Variants in DAB2IP observed in about 807,000 individuals in gnomAD.
DAB2IP encodes DAB2 interacting protein.
In DAB2IP, 28 loss-of-function variants were observed where a neutral mutation model predicts 107.2. The ratio of observed to expected loss-of-function variants is 0.26; its 90% CI spans 0.19 to 0.36. DAB2IP has a LOEUF of 0.36. Among genes scored for constraint, DAB2IP ranks in the 10% least tolerant of loss-of-function variants. The pLI is 1.00. For synonymous variants in DAB2IP, 755 were observed against 706.4 expected (o/e 1.07, Z -1.09); for missense variants, 1,400 against 1,644.7 (o/e 0.85, Z 2.57).
rs1259261968 is a variant in DAB2IP, at chr9:121,734,428, G to A, written c.363-22585G>A. Among the ~76,000 whole-genome samples the A allele has an allele frequency of 4.6e-5, 7 of 152,148 alleles. No individual in the cohort carries two copies. The South Asian group carries it at 1.2e-3, about 27-fold the overall frequency. On this transcript the variant is annotated intron_variant, in intron 3 of 15. Transcript: ENST00000408936. ...ATGTTGCTGAAAGGAGCCTGCAAGC[G>A]GTTATGCAGACTTCTGAGCAGGGGC... is the stretch of plus-strand genomic sequence containing the variant.
rs141021456 is a variant in DAB2IP, at chr9:121,780,966, G to C, written c.3315-498G>C. Among the ~76,000 whole-genome samples the C allele has an allele frequency of 2.6e-5, 4 of 152,178 alleles. No homozygotes were observed. The East Asian group carries it at 7.7e-4, about 29-fold the overall frequency. ...AGCTTTCCACTAGCGCAGCTGCTCC[G>C]TGCAGGGTGTAGTTAGTTACTCGTG... is the stretch of plus-strand genomic sequence containing the variant. On this transcript the variant is annotated intron_variant, in intron 14 of 15. Transcript: ENST00000408936.
upstream of DAB2IP, among the ~76,000 whole-genome samples, chr9:121,646,730 C>T (rs898731156): frequency 1.7e-4 from 26 of 152,126 alleles, no homozygotes; most frequent in African/African-American, 6.0e-4. Context: ...ACTCCTGTCG[C>T]CCCTAGCCTC....
At chr9:121,694,715 C>T (rs1829333644) in intron 2 of DAB2IP, among the ~76,000 whole-genome samples, 1 of 152,104 alleles carries the variant, frequency 6.6e-6, no homozygotes. Context: ...ATGATGGAAG[C>T]CTAGGGCCTA....
At chr9:121,774,858 C>T (rs1835080161) in intron 13 of DAB2IP, among the ~76,000 whole-genome samples, 2 of 152,242 alleles carry the variant, frequency 1.3e-5, no homozygotes, top group East Asian at 1.9e-4. Flanking sequence ...CAGCCTGGCC[C>T]CCAAGGCTTG....
intron 3 of DAB2IP, among the ~76,000 whole-genome samples, chr9:121,731,665 GTGGGGCTGGGGC>G (rs55943212): frequency 0.013 from 2,029 of 152,094 alleles, 23 homozygotes; most frequent in Middle Eastern, 0.024. Flanking sequence ...AGATTGCCCA[GTGGGGCTGGGGC>G]TGGGGCTGGG....
At chr9:121,771,800 C>T (rs774464564) in intron 11 of DAB2IP, among the ~76,000 whole-genome samples, 4 of 152,164 alleles carry the variant, frequency 2.6e-5, no homozygotes, top group Non-Finnish European at 5.9e-5. Context: ...ACTTCCTCTC[C>T]GTCTGAGGCT....
chr9:121,649,149 G>A (rs757927789), upstream of DAB2IP, among the ~76,000 whole-genome samples: 8 of 152,144 alleles, frequency 5.3e-5, no homozygotes, highest in South Asian at 2.1e-4. Flanking sequence ...GGAGATGCTC[G>A]GCTCAGCTGG....
At position 121,599,165 on chromosome 9, in the gene DAB2IP, G is replaced by A. The variant is rs1352512607; in HGVS notation, c.40+31937G>A. ...CGGGAAGGGGAGCTGTAGGGTGGAAGAGGGATAAGTAAAGCAAAGTCGCGG... is the reference window on the plus strand; with the variant it reads ...CGGGAAGGGGAGCTGTAGGGTGGAAAAGGGATAAGTAAAGCAAAGTCGCGG... On this transcript the variant is annotated intron_variant, in intron 1 of 16. Transcript: ENST00000259371. The surrounding 1 kb of genome is among the most constrained non-coding windows in gnomAD (Gnocchi z 6.9). Among the ~76,000 whole-genome samples the A allele has an allele frequency of 6.6e-6, 1 of 152,186 alleles. No homozygotes were observed. The highest frequency in any genetic ancestry group is 1.5e-5 in the Non-Finnish European group (1 of 68,042).
rs1230200871 is a variant in DAB2IP at position 121,773,533 on chromosome 9, G to A, written c.2967+38G>A. Reference sequence around the variant, plus strand: ...AGTCAGAGGGCAGGGCTGGGCACTTGGGCCCAGCTGGGGCTGTCATACCCC... The same window carrying A: ...AGTCAGAGGGCAGGGCTGGGCACTTAGGCCCAGCTGGGGCTGTCATACCCC... On this transcript the variant is annotated intron_variant, in intron 12 of 15. Transcript: ENST00000408936. 3.5e-6 allele frequency: 5 copies of A among 1,433,570 alleles called. No individual in the cohort carries two copies. The Admixed American group carries it at 1.4e-4, about 41-fold the overall frequency. 88.8% of individuals were successfully genotyped at this position (1,433,570 alleles called of 1,614,324 possible). A position where few individuals can be genotyped will look rare whatever the true frequency, so the allele number is the denominator to read the frequency against.
intron 1 of DAB2IP, among the ~76,000 whole-genome samples, chr9:121,612,605 CCAA>C (rs1468356891): frequency 1.3e-5 from 2 of 152,100 alleles, no homozygotes; most frequent in East Asian, 1.9e-4. Flanking sequence ...GGGCGGAACT[CCAA>C]CAAGTCTCAG....
chr9:121,729,225 G>A (rs1256627608), intron 3 of DAB2IP, among the ~76,000 whole-genome samples: 1 of 152,146 alleles, frequency 6.6e-6, no homozygotes, highest in East Asian at 1.9e-4. Flanking sequence ...CAAGAGCCAA[G>A]GGGGAAATGC....
In DAB2IP at chr9:121,653,877, G is replaced by A. The variant is rs546102334; in HGVS notation, c.124+1978G>A. Among the ~76,000 whole-genome samples, 3 of 152,338 alleles carry A rather than the reference G, an allele frequency of 2.0e-5. No individual in the cohort carries two copies. In the East Asian group the frequency reaches 5.8e-4, roughly 29 times the overall value. On this transcript the variant is annotated intron_variant, in intron 1 of 15. Coordinates refer to ENST00000408936, the Ensembl canonical transcript of DAB2IP. ...TGAAGGAGCTCACGGCCTGCAGAGC[G>A]GGGAGGAGACTGTCTCTGAACAGAA...
At chr9:121,653,380 G>C (rs1260479899) in intron 1 of DAB2IP, among the ~76,000 whole-genome samples, 1 of 151,994 alleles carries the variant, frequency 6.6e-6, no homozygotes, top group Non-Finnish European at 1.5e-5. Context: ...CTGGAGAAAG[G>C]CTTAGTACTG....
At chr9:121,731,400 G>C (rs979012660) in intron 3 of DAB2IP, among the ~76,000 whole-genome samples, 9 of 152,250 alleles carry the variant, frequency 5.9e-5, no homozygotes, top group African/African-American at 1.9e-4. Context: ...ATGGCTGACG[G>C]AATGGAGTCT....
In DAB2IP at chr9:121,642,065, TTC is replaced by T. The variant is rs1299534412; in HGVS notation, c.41-36611_41-36610del. On this transcript the variant is annotated intron_variant, in intron 1 of 16. Coordinates refer to the DAB2IP transcript ENST00000259371. ...TTTCTTTCTTTCTTTCTTTCTTTCT[TTC>T]TTTCTTTCTTTCTTTCTCACTTTCT... Among the ~76,000 whole-genome samples, 67 of 109,282 alleles carry T rather than the reference TTC, an allele frequency of 6.1e-4. 1 individual carries two copies. Among genetic ancestry groups the T allele is most frequent in the African/African-American group, 3.0e-3 (64 of 21,026 alleles). The allele number at this position is 109,282 out of a possible 152,430, so 71.7% of individuals were successfully genotyped here. A position where few individuals can be genotyped will look rare whatever the true frequency, so the allele number is the denominator to read the frequency against.
chr9:121,589,985 CTTCCT>C (rs1830393915), intron 1 of DAB2IP, among the ~76,000 whole-genome samples: 1 of 111,560 alleles, frequency 9.0e-6, no homozygotes, highest in African/African-American at 3.6e-5. Context: ...CTTCCCTTCC[CTTCCT>C]GGGGTATGAG....
chr9:121,590,568 G>A (rs1830405011), intron 1 of DAB2IP, among the ~76,000 whole-genome samples: 1 of 152,122 alleles, frequency 6.6e-6, no homozygotes, highest in Non-Finnish European at 1.5e-5. Context: ...TCTGTCAAAA[G>A]GGAATAGATA....
chr9:121,703,825 T>G (rs1589548183), intron 3 of DAB2IP, among the ~76,000 whole-genome samples: 1 of 152,278 alleles, frequency 6.6e-6, no homozygotes, highest in East Asian at 1.9e-4. Flanking sequence ...TAATAAGCAA[T>G]CATGTGGCCT....
intron 3 of DAB2IP, among the ~76,000 whole-genome samples, chr9:121,747,509 A>G (rs1832801139): frequency 6.6e-6 from 1 of 151,970 alleles, no homozygotes; most frequent in South Asian, 2.1e-4. Flanking sequence ...CATCACGCCC[A>G]GCTAATTTTT....
Sources: allele counts gnomAD v4.1 joint callset (sites outside exome capture counted in the v4.1 genomes callset), GRCh38; gene constraint gnomAD v4.1.1; non-coding constraint Gnocchi (gnomAD v3.1); transcripts MANE v1.5; gene names NCBI Gene and HGNC (gene_info 2026-07-23, HGNC 2026-07-21).